The following PIK3R5 variants were observed in gnomAD, a reference collection of about 807,000 sequenced individuals.
The protein encoded by PIK3R5 is phosphoinositide 3-kinase regulatory subunit 5.
A neutral mutation model predicts 94.9 loss-of-function variants in PIK3R5; 32 were observed. That is an observed-to-expected ratio of 0.34 (90% CI 0.25 to 0.45). The LOEUF is 0.45. Ranked by LOEUF, PIK3R5 falls within the 20% of genes least tolerant of loss-of-function variation. The probability of loss-of-function intolerance (pLI) is 1.00; values close to 1 mark genes in which losing one functional copy is unlikely to be tolerated. For synonymous variants in PIK3R5, 443 were observed against 479.4 expected (o/e 0.92, Z 0.99); for missense variants, 853 against 1,144.6 (o/e 0.75, Z 3.68).
At chr17:8,942,924 T>C (rs1014357612) in intron 1 of PIK3R5, among the ~76,000 whole-genome samples, 9 of 150,338 alleles carry the variant, frequency 6.0e-5, no homozygotes, top group Non-Finnish European at 1.2e-4. Flanking sequence ...CTTATTCTTA[T>C]TTGGCTGCTG....
At chr17:8,885,157 C>T in intron 14 of PIK3R5, 1 of 266,792 alleles carries the variant, frequency 3.7e-6, no homozygotes, top group African/African-American at 2.3e-5. Context: ...CCTGGGTAAC[C>T]CTGCCTCCCC....
chr17:8,889,864 T>C lies in PIK3R5; in HGVS notation c.811+109A>G, dbSNP rs1597377616. ...TGAGATGCTGAAGAAGCTGAGTCCC[T>C]GAGTGACTGTGTGGAGCAGAGCCAC... On this transcript the variant is annotated intron_variant, in intron 8 of 18. Coordinates refer to ENST00000447110, the MANE Select transcript of PIK3R5 (RefSeq NM_001142633.3). This position sits in a 1 kb window ranked among gnomAD's most constrained non-coding sequence, Gnocchi z 4.1. The C allele has an allele frequency of 8.9e-7, 1 of 1,119,070 alleles. No homozygotes were observed. Among genetic ancestry groups the C allele is most frequent in the African/African-American group, 1.5e-5 (1 of 65,212 alleles). The allele number at this position is 1,119,070 out of a possible 1,614,324, so 69.3% of individuals were successfully genotyped here.
At chr17:8,931,216 T>C (rs1371409870) in intron 1 of PIK3R5, among the ~76,000 whole-genome samples, 2 of 152,198 alleles carry the variant, frequency 1.3e-5, no homozygotes, top group Non-Finnish European at 2.9e-5. Context: ...CTGATCTTTA[T>C]CCTTCTAAAA....
chr17:8,919,757 A>G lies in PIK3R5; in HGVS notation c.-13-8250T>C, dbSNP rs372542580. Reference sequence around the variant, plus strand: ...TTAAGCACAATGAGTTAACATAGACAAATGTGTGGAAACATTCCCAGTGCA... The same window carrying G: ...TTAAGCACAATGAGTTAACATAGACGAATGTGTGGAAACATTCCCAGTGCA... On this transcript the variant is annotated intron_variant, in intron 1 of 18. Transcript: ENST00000447110. Among the ~76,000 whole-genome samples, 270 of 152,296 alleles carry G rather than the reference A, an allele frequency of 1.8e-3. 1 individual carries two copies. Among genetic ancestry groups the G allele is most frequent in the African/African-American group, 6.0e-3 (248 of 41,560 alleles).
At chr17:8,949,680 A>G (rs936197856) in intron 1 of PIK3R5, among the ~76,000 whole-genome samples, 4 of 152,204 alleles carry the variant, frequency 2.6e-5, no homozygotes, top group Non-Finnish European at 4.4e-5. Flanking sequence ...ACCGAACATC[A>G]TATGTTCTGA....
chr17:8,960,575 G>A (rs892686984), intron 1 of PIK3R5, among the ~76,000 whole-genome samples: 1 of 152,242 alleles, frequency 6.6e-6, no homozygotes, highest in Non-Finnish European at 1.5e-5. Flanking sequence ...CGATTAGGCA[G>A]GGGCCACATA....
chr17:8,913,722 C>CA (rs1052029530), intron 1 of PIK3R5, among the ~76,000 whole-genome samples: 1 of 152,134 alleles, frequency 6.6e-6, no homozygotes, highest in African/African-American at 2.4e-5. Context: ...AAAAAGAAAA[C>CA]AAAAAGAAGA....
At chr17:8,922,741 A>G (rs981475116) in intron 1 of PIK3R5, among the ~76,000 whole-genome samples, 6 of 152,082 alleles carry the variant, frequency 3.9e-5, no homozygotes, top group African/African-American at 1.4e-4. Flanking sequence ...AGATTCTTGG[A>G]GGATGATTTA....
At chr17:8,939,662 C>A (rs1044019489) in intron 1 of PIK3R5, among the ~76,000 whole-genome samples, 2 of 152,176 alleles carry the variant, frequency 1.3e-5, no homozygotes, top group African/African-American at 2.4e-5. Context: ...TTTTTGCCTA[C>A]GTTCAAATGC....
intron 5 of PIK3R5, among the ~76,000 whole-genome samples, chr17:8,894,329 G>A (rs1234758342): frequency 6.6e-6 from 1 of 152,158 alleles, no homozygotes; most frequent in Non-Finnish European, 1.5e-5. Context: ...CTCCCGGTCC[G>A]GGGTGCCTTC....
At chr17:8,895,313 A>G (rs977606561) in intron 5 of PIK3R5, among the ~76,000 whole-genome samples, 14 of 152,294 alleles carry the variant, frequency 9.2e-5, no homozygotes, top group African/African-American at 2.9e-4. Flanking sequence ...TGCTTTTAAC[A>G]TTAACCCACA....
In PIK3R5 at chr17:8,880,942, C is replaced by T; in HGVS notation, c.2458G>A (p.Asp820Asn). 6.2e-7 allele frequency: 1 copy of T among 1,614,140 alleles called. No homozygotes were observed. Among genetic ancestry groups the T allele is most frequent in the Non-Finnish European group, 8.5e-7 (1 of 1,179,980 alleles). The change falls in exon 18 of 19, where the codon GAC (aspartate) becomes AAC (asparagine). Residue 820 changes from aspartate to asparagine, a missense_variant. Coordinates refer to ENST00000447110, the MANE Select transcript of PIK3R5 (RefSeq NM_001142633.3). ...SNSCPFAVCLDQDERKILQSV... is the reference protein window; with the variant it reads ...SNSCPFAVCLNQDERKILQSV... The stretch of plus-strand genomic sequence containing the variant: ...TGCAGGATCTTTCTCTCATCCTGGT[C>T]CAGGCACACAGCAAAGGGGCAGCTG...
Position 8,963,942 on chromosome 17 carries a change from A to C in PIK3R5, c.-14+1654T>G, listed in dbSNP as rs536063541. Among the ~76,000 whole-genome samples the C allele has an allele frequency of 2.0e-5, 3 of 152,194 alleles. No individual in the cohort carries two copies. The South Asian group carries it at 6.2e-4, about 32-fold the overall frequency. ...AGCCCTGAAGCAAGAAAGTAGCTTG[A>C]CCATCCAAAACTGTCTTCTTTGTCT... On this transcript the variant is annotated intron_variant, in intron 1 of 18. Coordinates refer to ENST00000447110, the MANE Select transcript of PIK3R5 (RefSeq NM_001142633.3).
chr17:8,942,062 G>C (rs1362509396), intron 1 of PIK3R5, among the ~76,000 whole-genome samples: 1 of 152,162 alleles, frequency 6.6e-6, no homozygotes, highest in Admixed American at 6.5e-5. Flanking sequence ...CTCAGGTAGA[G>C]GCGAGGTCAC....
chr17:8,943,965 T>C (rs1449218901), intron 1 of PIK3R5, among the ~76,000 whole-genome samples: 24 of 152,034 alleles, frequency 1.6e-4, no homozygotes, highest in Admixed American at 1.2e-3. Flanking sequence ...CGGGGGTTTA[T>C]TGGACAGATT....
intron 1 of PIK3R5, among the ~76,000 whole-genome samples, chr17:8,936,021 T>A (rs2091069090): frequency 6.9e-6 from 1 of 143,950 alleles, no homozygotes; most frequent in Non-Finnish European, 1.5e-5. Flanking sequence ...GCCACTGCAC[T>A]CCAGCCTGGG....
At position 8,890,154 on chromosome 17, in the gene PIK3R5, G is replaced by C; in HGVS notation, c.658-28C>G. On this transcript the variant is annotated intron_variant, in intron 7 of 18. Coordinates refer to ENST00000447110, the MANE Select transcript of PIK3R5 (RefSeq NM_001142633.3). The surrounding 1 kb of genome is among the most constrained non-coding windows in gnomAD (Gnocchi z 6.1). Reference sequence around the variant, plus strand: ...GAAACCCCAGGAGGAGATGGGCTTTGCTCCTGGACCGTGAGCTAGCTGTCC... The same window carrying C: ...GAAACCCCAGGAGGAGATGGGCTTTCCTCCTGGACCGTGAGCTAGCTGTCC... 6.2e-7 allele frequency: 1 copy of C among 1,609,982 alleles called. No homozygotes were observed.
At chr17:8,908,572 C>CAA (rs3049249) in intron 3 of PIK3R5, among the ~76,000 whole-genome samples, 13 of 149,144 alleles carry the variant, frequency 8.7e-5, no homozygotes, top group African/African-American at 2.7e-4. Context: ...CACACACACA[C>CAA]AACCATAAAA....
At chr17:8,939,113 G>T (rs1480369404) in intron 1 of PIK3R5, among the ~76,000 whole-genome samples, 3 of 152,116 alleles carry the variant, frequency 2.0e-5, no homozygotes, top group African/African-American at 7.2e-5. Context: ...CCTTCCAGGT[G>T]GTCATTCTTC....
Sources: allele counts gnomAD v4.1 joint callset (sites outside exome capture counted in the v4.1 genomes callset), GRCh38; gene constraint gnomAD v4.1.1; non-coding constraint Gnocchi (gnomAD v3.1); transcripts MANE v1.5; gene names NCBI Gene and HGNC (gene_info 2026-07-23, HGNC 2026-07-21).